CHL1: variants seen among roughly 807,000 people sequenced by gnomAD.
CHL1 encodes cell adhesion molecule L1 like.
A neutral mutation model predicts 141.9 loss-of-function variants in CHL1; 96 were observed. That is an observed-to-expected ratio of 0.68 (90% confidence interval 0.57 to 0.80). The LOEUF is 0.80. Ranked by LOEUF, CHL1 falls within the 30% of genes least tolerant of loss-of-function variation. The pLI, the probability that CHL1 is intolerant of heterozygous loss-of-function variation, is 0.00. For missense variants in CHL1, 1,820 were observed against 1,457.2 expected (o/e 1.25, Z -4.05); for synonymous variants, 613 against 502.2 (o/e 1.22, Z -2.95).
chr3:216,019 G>C (rs1179770589), intron 1 of CHL1, among the ~76,000 whole-genome samples: 1 of 152,116 alleles, frequency 6.6e-6, no homozygotes, highest in Non-Finnish European at 1.5e-5. Flanking sequence ...TGAATGTTCT[G>C]AGTGAGAATA....
At chr3:203,072 G>A (rs184204042) in intron 1 of CHL1, among the ~76,000 whole-genome samples, 2 of 152,314 alleles carry the variant, frequency 1.3e-5, no homozygotes, top group East Asian at 3.9e-4. Context: ...CTAAAGTACT[G>A]TGTCAGAAAA....
At chr3:286,044 A>G (rs573563931) in intron 2 of CHL1, among the ~76,000 whole-genome samples, 1 of 152,338 alleles carries the variant, frequency 6.6e-6, no homozygotes, top group Non-Finnish European at 1.5e-5. Context: ...TGAATATAAT[A>G]CATAAAGTTT....
At chr3:200,004 G>C (rs1488745181) in intron 1 of CHL1, among the ~76,000 whole-genome samples, 2 of 152,166 alleles carry the variant, frequency 1.3e-5, no homozygotes, top group Admixed American at 6.5e-5. Flanking sequence ...GGCTTTGCAA[G>C]ACAACCCTCT....
intron 2 of CHL1, among the ~76,000 whole-genome samples, chr3:317,288 A>G (rs1345228098): frequency 2.0e-5 from 3 of 152,006 alleles, no homozygotes; most frequent in Non-Finnish European, 4.4e-5. Context: ...ATTACTGAAT[A>G]ATTAGTATCT....
intron 1 of CHL1, among the ~76,000 whole-genome samples, chr3:238,700 G>A (rs1692233014): frequency 1.3e-5 from 2 of 151,888 alleles, no homozygotes; most frequent in Non-Finnish European, 2.9e-5. Context: ...CGAGGTGGGT[G>A]GATCACCTGA....
At chr3:338,121 C>T (rs1243289834) in intron 5 of CHL1, among the ~76,000 whole-genome samples, 1 of 152,128 alleles carries the variant, frequency 6.6e-6, no homozygotes, top group East Asian at 1.9e-4. Flanking sequence ...ACCTCGGCCT[C>T]CCAAAGTGCA....
intron 1 of CHL1, among the ~76,000 whole-genome samples, chr3:220,697 A>G (rs1176360727): frequency 6.6e-6 from 1 of 152,202 alleles, no homozygotes; most frequent in Non-Finnish European, 1.5e-5. Context: ...ATCACAAAAA[A>G]GACTCACAAT....
In CHL1 at chr3:382,572, G is replaced by T; in HGVS notation, c.2077G>T (p.Ala693Ser). The part of the protein sequence containing the change: ...GKKTTVILPL[A>S]PFVRYQFRVI... The stretch of plus-strand genomic sequence containing the variant: ...GAAAACCACAGTTATCTTACCTTTG[G>T]CTCCATTTGTGAGATACCAGTTCAG... The change falls in exon 18 of 28, where the codon GCT becomes TCT. Residue 693 changes from alanine (A) to serine (S), a missense_variant. By Grantham distance (99) the Ala-to-Ser change is moderately conservative (BLOSUM62 1). Coordinates refer to ENST00000256509, the MANE Select transcript of CHL1 (RefSeq NM_006614.4). 6.2e-7 allele frequency: 1 copy of T among 1,613,852 alleles called. No homozygotes were observed. Among genetic ancestry groups the T allele is most frequent in the Admixed American group, 1.7e-5 (1 of 59,964 alleles).
chr3:319,586 C>G (rs997333892), intron 2 of CHL1, 97 bp from the exon 3 acceptor site: 7 of 435,992 alleles, frequency 1.6e-5, no homozygotes, highest in African/African-American at 1.3e-4. Flanking sequence ...AACATACTGC[C>G]AAACCAAAAA....
At position 338,689 on chromosome 3, in the gene CHL1, G is replaced by A. The variant is rs570540665; in HGVS notation, c.386-2105G>A. 5.9e-5 allele frequency among the ~76,000 whole-genome samples: 9 copies of A among 152,274 alleles called. No homozygotes were observed. In the South Asian group the frequency reaches 1.9e-3, roughly 32 times the overall value. The stretch of plus-strand genomic sequence containing the variant: ...GTCCCTGTTTTCCAATATTCATTTT[G>A]TATTTAGTTAAAAGCTGTTCTGAAG... On this transcript the variant is annotated intron_variant, in intron 5 of 27. Transcript: ENST00000256509.
intron 10 of CHL1, among the ~76,000 whole-genome samples, 197 bp from the exon 11 acceptor site, chr3:354,433 GCACACACACA>G (rs3836376): frequency 4.7e-5 from 7 of 149,390 alleles, no homozygotes; most frequent in Non-Finnish European, 3.0e-5. Flanking sequence ...TTAAACACAA[GCACACACACA>G]CACACACACA....
At chr3:267,612 A>G (rs1363586765) in intron 2 of CHL1, among the ~76,000 whole-genome samples, 1 of 152,198 alleles carries the variant, frequency 6.6e-6, no homozygotes, top group African/African-American at 2.4e-5. Context: ...ATTGCCTTAT[A>G]CATTATATCT....
chr3:395,540 A>G (rs1485281449), intron 24 of CHL1, among the ~76,000 whole-genome samples: 1 of 152,234 alleles, frequency 6.6e-6, no homozygotes, highest in Admixed American at 6.5e-5. Flanking sequence ...TTGCAGAGAA[A>G]TCAGGTCAGA....
At chr3:360,001 C>T (rs111522350) in intron 11 of CHL1, among the ~76,000 whole-genome samples, 47 of 152,216 alleles carry the variant, frequency 3.1e-4, no homozygotes, top group African/African-American at 1.1e-3. Flanking sequence ...AAGGATAATC[C>T]AGAATAGTGC....
At chr3:245,644 T>G (rs779301180) in intron 2 of CHL1, among the ~76,000 whole-genome samples, 7 of 152,088 alleles carry the variant, frequency 4.6e-5, no homozygotes, top group Non-Finnish European at 1.0e-4. Context: ...ACTTGGTGCA[T>G]GAAGAATTTT....
chr3:321,380 T>C (rs888090386), intron 3 of CHL1, among the ~76,000 whole-genome samples: 1 of 152,100 alleles, frequency 6.6e-6, no homozygotes, highest in African/African-American at 2.4e-5. Context: ...ATTTCTTCAC[T>C]GACCAGCCTT....
At chr3:232,632 T>C (rs17010587) in intron 1 of CHL1, among the ~76,000 whole-genome samples, 11,578 of 152,178 alleles carry the variant, frequency 0.076, 1,467 homozygotes, top group African/African-American at 0.26. Flanking sequence ...TTCTATTTGC[T>C]CATGAGTAGC....
intron 19 of CHL1, among the ~76,000 whole-genome samples, chr3:386,461 G>A (rs115629180): frequency 5.2e-4 from 79 of 152,156 alleles, no homozygotes; most frequent in African/African-American, 1.3e-3. Context: ...TTGAGTGTTC[G>A]AACATCATAA....
chr3:370,936 G>A (rs558244688), intron 15 of CHL1, among the ~76,000 whole-genome samples: 1 of 152,242 alleles, frequency 6.6e-6, no homozygotes, highest in Admixed American at 6.5e-5. Context: ...TTAATCCTGA[G>A]TTCTAATTTG....
Sources: gnomAD v4.1 joint callset for allele counts (sites outside exome capture counted in the v4.1 genomes callset) on GRCh38, gnomAD v4.1.1 for gene constraint, MANE v1.5 for transcripts, NCBI Gene and HGNC (gene_info 2026-07-23, HGNC 2026-07-21) for gene names.